PHLPP1: variants seen among roughly 807,000 people sequenced by gnomAD.
PHLPP1 encodes the protein PH domain and leucine rich repeat protein phosphatase 1.
A neutral mutation model predicts 117.2 loss-of-function variants in PHLPP1; 42 were observed. The ratio of observed to expected loss-of-function variants is 0.36; its 90% CI spans 0.28 to 0.46. The LOEUF is 0.46. PHLPP1 is among the 20% of genes least tolerant of loss of function. PHLPP1 has a pLI of 1.00. For missense variants in PHLPP1, 2,084 were observed against 2,241.9 expected, an observed-to-expected ratio of 0.93 and a Z score of 1.42; for synonymous variants, 1,042 against 970.7, an observed-to-expected ratio of 1.07 and a Z score of -1.37.
chr18:62,855,307 C>T (rs1915465968), intron 3 of PHLPP1, among the ~76,000 whole-genome samples: 2 of 152,154 alleles, frequency 1.3e-5, no homozygotes, highest in African/African-American at 4.8e-5. Context: ...CAGGCAGGAT[C>T]TCAGTTTTAA....
chr18:62,928,339 GA>G (rs36023608), intron 10 of PHLPP1, among the ~76,000 whole-genome samples: 89,777 of 151,926 alleles, frequency 0.59, 26,747 homozygotes, highest in Middle Eastern at 0.69. Flanking sequence ...ATAGCTGAAT[GA>G]AAAATATGCT....
chr18:62,968,587 G>A (rs1305365963), intron 14 of PHLPP1, among the ~76,000 whole-genome samples: 1 of 139,670 alleles, frequency 7.2e-6, no homozygotes, highest in Non-Finnish European at 1.5e-5. Flanking sequence ...ACCCAGGCTG[G>A]AGTGCAGTGG....
At chr18:62,805,925 C>A (rs1037057517) in intron 1 of PHLPP1, among the ~76,000 whole-genome samples, 1 of 151,282 alleles carries the variant, frequency 6.6e-6, no homozygotes, top group Non-Finnish European at 1.5e-5. Flanking sequence ...TAAAATATTT[C>A]AAAATATTTT....
chr18:62,738,428 A>G (rs1443479647), intron 1 of PHLPP1, among the ~76,000 whole-genome samples: 3 of 152,246 alleles, frequency 2.0e-5, no homozygotes, highest in South Asian at 2.1e-4. Context: ...TATAACAACT[A>G]TTGGATATTT....
At chr18:62,856,614 G>A (rs1915505388) in intron 3 of PHLPP1, among the ~76,000 whole-genome samples, 1 of 152,054 alleles carries the variant, frequency 6.6e-6, no homozygotes, top group Non-Finnish European at 1.5e-5. Context: ...TTTTTTATTA[G>A]TAGAGTTGGT....
intron 10 of PHLPP1, among the ~76,000 whole-genome samples, chr18:62,928,247 A>C (rs1040288727): frequency 6.6e-5 from 10 of 152,188 alleles, no homozygotes; most frequent in African/African-American, 2.4e-4. Flanking sequence ...GGATACCATC[A>C]AGAAAGTGAA....
chr18:62,716,837 C>T lies in PHLPP1; in HGVS notation c.1154C>T (p.Ser385Leu). 1 of 1,524,468 alleles carries T rather than the reference C, an allele frequency of 6.6e-7. No individual in the cohort carries two copies. The highest frequency in any genetic ancestry group is 8.8e-7 in the Non-Finnish European group (1 of 1,141,714). The allele number at this position is 1,524,468 out of a possible 1,614,324, so 94.4% of individuals were successfully genotyped here. A position where few individuals can be genotyped will look rare whatever the true frequency, so the allele number is the denominator to read the frequency against. Residue 385 changes from serine to leucine, a missense_variant, in exon 1 of 17, where the codon TCG (serine) becomes TTG (leucine). Coordinates refer to ENST00000262719, the MANE Select transcript of PHLPP1 (RefSeq NM_194449.4). This position sits in a 1 kb window ranked among gnomAD's most constrained non-coding sequence, Gnocchi z 5.7. ...GAAGAGCTCGAGGCCGACGCAGCCT[C>T]GGCCCCGACGGGGGTCCCGGGCCAG... ...SSEELEADAA[S>L]APTGVPGQPR...
At chr18:62,895,226 A>T in intron 5 of PHLPP1, 69 bp downstream of exon 5, 1 of 1,489,730 alleles carries the variant, frequency 6.7e-7, no homozygotes. Context: ...GGGGTGTGGC[A>T]CATGAGATTA....
At chr18:62,772,830 C>CAAAAAAAAA (rs59776161) in intron 1 of PHLPP1, among the ~76,000 whole-genome samples, 19 of 61,050 alleles carry the variant, frequency 3.1e-4, no homozygotes, top group African/African-American at 1.1e-3. Flanking sequence ...GACTCTTTCT[C>CAAAAAAAAA]AAAAAAAAAA....
intron 1 of PHLPP1, among the ~76,000 whole-genome samples, chr18:62,792,947 G>A (rs1042186482): frequency 6.6e-6 from 1 of 151,902 alleles, no homozygotes; most frequent in Non-Finnish European, 1.5e-5. Flanking sequence ...GGCTGAGGTG[G>A]GTGGATCACC....
chr18:62,754,999 T>C (rs1911968072), intron 1 of PHLPP1, among the ~76,000 whole-genome samples: 1 of 152,218 alleles, frequency 6.6e-6, no homozygotes, highest in Non-Finnish European at 1.5e-5. Flanking sequence ...GGATTTCTAA[T>C]ATGTGTCTCC....
chr18:62,812,257 G>A (rs187317016), intron 1 of PHLPP1, among the ~76,000 whole-genome samples: 4 of 152,174 alleles, frequency 2.6e-5, no homozygotes, highest in Admixed American at 1.3e-4. Context: ...CTTGGCTTTC[G>A]AATTTTTATT....
intron 14 of PHLPP1, among the ~76,000 whole-genome samples, chr18:62,966,950 T>A (rs1811130668): frequency 6.6e-6 from 1 of 152,210 alleles, no homozygotes; most frequent in Non-Finnish European, 1.5e-5. Context: ...TTCCAGGATG[T>A]CCTATAAACA....
At chr18:62,871,589 A>C (rs1915904416) in intron 4 of PHLPP1, among the ~76,000 whole-genome samples, 1 of 151,654 alleles carries the variant, frequency 6.6e-6, no homozygotes, top group African/African-American at 2.4e-5. Flanking sequence ...CGGCCTCCGA[A>C]AGTGCTGGGA....
At chr18:62,945,855 A>G (rs1319314456) in intron 12 of PHLPP1, among the ~76,000 whole-genome samples, 1 of 152,260 alleles carries the variant, frequency 6.6e-6, no homozygotes, top group African/African-American at 2.4e-5. Context: ...CAATCTGTGT[A>G]AATTAAGACA....
At chr18:62,870,436 G>A (rs897288714) in intron 4 of PHLPP1, among the ~76,000 whole-genome samples, 1 of 152,318 alleles carries the variant, frequency 6.6e-6, no homozygotes, top group Middle Eastern at 3.4e-3. Context: ...CAGTCACTTA[G>A]TGTGGTGGCT....
chr18:62,766,105 A>AT lies in PHLPP1; in HGVS notation c.1576+48846_1576+48847insT, dbSNP rs1400280407. 7.2e-3 allele frequency among the ~76,000 whole-genome samples: 426 copies of AT among 59,488 alleles called. 39 individuals carry two copies. The highest frequency in any genetic ancestry group is 0.017 in the Admixed American group (86 of 4,982). 39.0% of individuals were successfully genotyped at this position (59,488 alleles called of 152,430 possible). ...TATATATATATATATATATATATAA[A>AT]ATATATATATATTTGTACAGAAAAG... On this transcript the variant is annotated intron_variant, in intron 1 of 16. Coordinates refer to ENST00000262719, the MANE Select transcript of PHLPP1 (RefSeq NM_194449.4).
rs572706138 is a variant in PHLPP1 at position 62,914,695 on chromosome 18, C to T, written c.2709-218C>T. Among the ~76,000 whole-genome samples the T allele has an allele frequency of 2.1e-3, 321 of 152,352 alleles. 2 individuals carry two copies. The highest frequency in any genetic ancestry group is 7.4e-3 in the African/African-American group (307 of 41,584). On this transcript the variant is annotated intron_variant, in intron 8 of 16. Transcript: ENST00000262719. ...AAGTGATCCTCCCATAGGCGTGAGC[C>T]ACTGTGCTCTGCCTCTTCCTTACTT... is the stretch of plus-strand genomic sequence containing the variant.
In PHLPP1 at chr18:62,761,646, TAAAAATAA is replaced by T. The variant is rs1422849102; in HGVS notation, c.1576+44400_1576+44407del. Among the ~76,000 whole-genome samples, 3 of 132,412 alleles carry T rather than the reference TAAAAATAA, an allele frequency of 2.3e-5. No individual in the cohort carries two copies. The East Asian group carries it at 6.5e-4, about 29-fold the overall frequency. The allele number at this position is 132,412 out of a possible 152,430, so 86.9% of individuals were successfully genotyped here. ...AGACTCCGTCTCAAAAAAAAATAAA[TAAAAATAA>T]AAAAATAAAAAATAAAAAAAAAAAG... On this transcript the variant is annotated intron_variant, in intron 1 of 16. Transcript: ENST00000262719.
Sources: allele counts gnomAD v4.1 joint callset (sites outside exome capture counted in the v4.1 genomes callset), GRCh38; gene constraint gnomAD v4.1.1; non-coding constraint Gnocchi (gnomAD v3.1); transcripts MANE v1.5; gene names NCBI Gene and HGNC (gene_info 2026-07-23, HGNC 2026-07-21).